The following ZNF90 variants were observed in gnomAD, a reference collection of about 807,000 sequenced individuals.
ZNF90 encodes the protein zinc finger protein 90.
Under a neutral mutation model 12.0 loss-of-function variants are expected in ZNF90, and 11 were observed. That is an observed-to-expected ratio of 0.92 (90% CI 0.58 to 1.52). ZNF90 has a LOEUF of 1.52. Ranked by LOEUF, ZNF90 falls within the 40% of genes most tolerant of loss-of-function variation. ZNF90 has a pLI of 0.00. For synonymous variants in ZNF90, 232 were observed against 240.1 expected (o/e 0.97, Z 0.31); for missense variants, 765 against 711.5 (o/e 1.08, Z -0.86).
chr19:20,110,774 A>G (rs1449355946), intron 3 of ZNF90, among the ~76,000 whole-genome samples: 1 of 151,910 alleles, frequency 6.6e-6, no homozygotes. Flanking sequence ...TTTCTTTTTC[A>G]GTTCTCTATA....
intron 3 of ZNF90, among the ~76,000 whole-genome samples, 166 bp downstream of exon 3, chr19:20,105,482 C>T (rs1255736244): frequency 6.6e-6 from 1 of 152,190 alleles, no homozygotes; most frequent in Non-Finnish European, 1.5e-5. Context: ...CACAAAGGGA[C>T]ATCTTCTGTC....
Position 20,118,945 on chromosome 19 carries a change from G to A in ZNF90, c.1391G>A (p.Arg464His), listed in dbSNP as rs782220967. The A allele has an allele frequency of 4.5e-5, 72 of 1,611,778 alleles. No homozygotes were observed. Among genetic ancestry groups the A allele is most frequent in the South Asian group, 5.5e-5 (5 of 90,826 alleles). The change falls in exon 4 of 4, where the codon CGC becomes CAC. Residue 464 changes from arginine (R) to histidine (H), a missense_variant. By Grantham distance (29) the Arg-to-His change is conservative (BLOSUM62 0). Transcript: ENST00000418063. ...KCEECGKAFKRSSNLTTHKIS... is the reference protein window; with the variant it reads ...KCEECGKAFKHSSNLTTHKIS... ...GAAGAATGTGGCAAAGCCTTCAAGCGCTCCTCAAACCTTACTACACATAAG... is the reference window on the plus strand; with the variant it reads ...GAAGAATGTGGCAAAGCCTTCAAGCACTCCTCAAACCTTACTACACATAAG...
At position 20,108,247 on chromosome 19, in the gene ZNF90, C is replaced by A. The variant is rs183578680; in HGVS notation, c.226+2931C>A. Among the ~76,000 whole-genome samples, 333 of 152,230 alleles carry A rather than the reference C, an allele frequency of 2.2e-3. 1 individual carries two copies. Among genetic ancestry groups the A allele is most frequent in the African/African-American group, 7.7e-3 (320 of 41,552 alleles). On this transcript the variant is annotated intron_variant, in intron 3 of 3. Coordinates refer to ENST00000418063, the MANE Select transcript of ZNF90 (RefSeq NM_007138.2). ...TGCCACAGAGTGCATGCCAATGATT[C>A]AAAATACCTGTATATGATGAATACA... is the stretch of plus-strand genomic sequence containing the variant.
chr19:20,098,623 A>G (rs781838468), intron 1 of ZNF90, among the ~76,000 whole-genome samples: 4 of 152,326 alleles, frequency 2.6e-5, no homozygotes, highest in Middle Eastern at 3.4e-3. Flanking sequence ...CCACCAAGGC[A>G]GTTCCATTTT....
intron 3 of ZNF90, among the ~76,000 whole-genome samples, chr19:20,106,579 G>A (rs917808261): frequency 3.3e-5 from 5 of 152,104 alleles, no homozygotes; most frequent in African/African-American, 2.4e-5. Flanking sequence ...TCAGCTTCCC[G>A]AGTAGCTGGG....
At position 20,078,052 on chromosome 19, in the gene ZNF90, GTCT is replaced by G; in HGVS notation, c.-74_-72del. 2.5e-6 allele frequency: 4 copies of G among 1,594,308 alleles called. No homozygotes were observed. Among genetic ancestry groups the G allele is most frequent in the African/African-American group, 1.3e-5 (1 of 74,630 alleles). On this transcript the variant is annotated 5_prime_UTR_variant, in exon 1 of 4. Coordinates refer to ENST00000418063, the MANE Select transcript of ZNF90 (RefSeq NM_007138.2). ...CCAAATCTGGTCTTAGCTGCTTCGT[GTCT>G]TCTTCTCCAGCCTCTGTGGCCCTGT...
intron 3 of ZNF90, among the ~76,000 whole-genome samples, chr19:20,108,051 G>A (rs896989810): frequency 9.9e-5 from 15 of 152,044 alleles, no homozygotes; most frequent in Admixed American, 2.6e-4. Flanking sequence ...AACAATGTAA[G>A]TCTACTCTTT....
At position 20,119,585 on chromosome 19, in the gene ZNF90, T is replaced by G. The variant is rs2089178569; in HGVS notation, c.*225T>G. On this transcript the variant is annotated 3_prime_UTR_variant, in exon 4 of 4. Coordinates refer to ENST00000418063, the MANE Select transcript of ZNF90 (RefSeq NM_007138.2). ...ATACTGGACGGAAACTCTACAGGTGTGAAAAATGCAGCAAAGCCTATAACA... is the reference window on the plus strand; with the variant it reads ...ATACTGGACGGAAACTCTACAGGTGGGAAAAATGCAGCAAAGCCTATAACA... The G allele has an allele frequency of 2.2e-6, 1 of 460,864 alleles. No homozygotes were observed. The highest frequency in any genetic ancestry group is 3.9e-5 in the South Asian group (1 of 25,684). The allele number at this position is 460,864 out of a possible 1,614,324, so 28.5% of individuals were successfully genotyped here. A position where few individuals can be genotyped will look rare whatever the true frequency, so the allele number is the denominator to read the frequency against.
At chr19:20,116,394 T>C (rs2089137802) in intron 3 of ZNF90, among the ~76,000 whole-genome samples, 1 of 152,234 alleles carries the variant, frequency 6.6e-6, no homozygotes, top group African/African-American at 2.4e-5. Context: ...GGTCTCATAC[T>C]CCTGACCTCA....
chr19:20,119,596 G>T lies in ZNF90; in HGVS notation c.*236G>T. On this transcript the variant is annotated 3_prime_UTR_variant, in exon 4 of 4. Coordinates refer to ENST00000418063, the MANE Select transcript of ZNF90 (RefSeq NM_007138.2). The stretch of plus-strand genomic sequence containing the variant: ...AAACTCTACAGGTGTGAAAAATGCA[G>T]CAAAGCCTATAACAAGTTCTCAATT... 2 of 417,726 alleles carry T rather than the reference G, an allele frequency of 4.8e-6. No individual in the cohort carries two copies. Among genetic ancestry groups the T allele is most frequent in the South Asian group, 4.4e-5 (1 of 22,824 alleles). The allele number at this position is 417,726 out of a possible 1,614,324, so 25.9% of individuals were successfully genotyped here. A position where few individuals can be genotyped will look rare whatever the true frequency, so the allele number is the denominator to read the frequency against.
Position 20,082,065 on chromosome 19 carries a change from GT to G in ZNF90, c.3+3939del, listed in dbSNP as rs539151759. Among the ~76,000 whole-genome samples the G allele has an allele frequency of 2.7e-4, 41 of 150,820 alleles. 1 individual carries two copies. The South Asian group carries it at 7.4e-3, about 27-fold the overall frequency. ...AGGCGTGAGCCACCGCGCCTGGCCT[GT>G]TTTTTTTTCTTGTAGCTTTTATTTT... is the stretch of plus-strand genomic sequence containing the variant. On this transcript the variant is annotated intron_variant, in intron 1 of 3. Coordinates refer to ENST00000418063, the MANE Select transcript of ZNF90 (RefSeq NM_007138.2).
At chr19:20,084,724 A>G (rs1255911092) in intron 1 of ZNF90, among the ~76,000 whole-genome samples, 1 of 152,016 alleles carries the variant, frequency 6.6e-6, no homozygotes, top group Non-Finnish European at 1.5e-5. Flanking sequence ...TTTTTCTTTT[A>G]ATTTCTCTAA....
intron 3 of ZNF90, among the ~76,000 whole-genome samples, chr19:20,116,034 G>A (rs2089134119): frequency 6.6e-6 from 1 of 152,024 alleles, no homozygotes; most frequent in East Asian, 1.9e-4. Context: ...ACTATGACTG[G>A]CTAAGTTTTT....
rs1200389176 is a variant in ZNF90 at position 20,101,765 on chromosome 19, GA to G, written c.4-2465del. 6.4e-3 allele frequency among the ~76,000 whole-genome samples: 959 copies of G among 150,724 alleles called. 11 individuals carry two copies. The highest frequency in any genetic ancestry group is 0.022 in the African/African-American group (920 of 41,140). On this transcript the variant is annotated intron_variant, in intron 1 of 3. Transcript: ENST00000418063. ...AGGAATTCCAGAGAAGGAGGAGAAA[GA>G]AAAAAAAATGGCTTTTCTTCAGGTA...
intron 2 of ZNF90, 102 bp from the exon 3 acceptor site, chr19:20,105,119 A>G: frequency 1.3e-6 from 1 of 754,744 alleles, no homozygotes; most frequent in African/African-American, 1.9e-5. Context: ...CTATTTTGGA[A>G]TTTACTAGAC....
intron 3 of ZNF90, among the ~76,000 whole-genome samples, chr19:20,110,268 GTGT>G (rs2089075374): frequency 6.6e-6 from 1 of 151,966 alleles, no homozygotes; most frequent in Non-Finnish European, 1.5e-5. Context: ...TCCAGGTCCT[GTGT>G]TGTTTTGCTT....
At position 20,117,853 on chromosome 19, in the gene ZNF90, T is replaced by A. The variant is rs782614571; in HGVS notation, c.299T>A (p.Val100Glu). ...SLKDSFQKVI[V>E]TRYEKREYGN... ...AAAGATTCCTTCCAAAAAGTGATAG[T>A]GACAAGATATGAAAAACGTGAATAT... Residue 100 changes from valine to glutamate, a missense_variant, in exon 4 of 4, where the codon GTG (valine) becomes GAG (glutamate). Val to Glu is a moderately radical substitution (Grantham distance 121). Coordinates refer to ENST00000418063, the MANE Select transcript of ZNF90 (RefSeq NM_007138.2). 6.2e-7 allele frequency: 1 copy of A among 1,606,156 alleles called. No homozygotes were observed. Among genetic ancestry groups the A allele is most frequent in the Non-Finnish European group, 8.5e-7 (1 of 1,176,490 alleles).
intron 1 of ZNF90, among the ~76,000 whole-genome samples, chr19:20,094,861 A>T (rs1318620229): frequency 6.6e-6 from 1 of 152,186 alleles, no homozygotes; most frequent in East Asian, 1.9e-4. Flanking sequence ...AAAAAGGTAC[A>T]TGTACCCTGA....
chr19:20,100,691 G>GTTTTCCTCTT (rs2088982472), intron 1 of ZNF90, among the ~76,000 whole-genome samples: 1 of 152,132 alleles, frequency 6.6e-6, no homozygotes, highest in South Asian at 2.1e-4. Context: ...CTTGAGAGGG[G>GTTTTCCTCTT]GATGACTGAG....
Sources: gnomAD v4.1 joint callset for allele counts (sites outside exome capture counted in the v4.1 genomes callset) on GRCh38, gnomAD v4.1.1 for gene constraint, MANE v1.5 for transcripts, NCBI Gene and HGNC (gene_info 2026-07-23, HGNC 2026-07-21) for gene names.